Variants in LTBP1 observed in about 807,000 individuals in gnomAD.
LTBP1 encodes the protein latent-transforming growth factor beta-binding protein 1.
LTBP1 carries 129 observed loss-of-function variants against 207.6 expected under a neutral mutation model. That is an observed-to-expected ratio of 0.62 (90% CI 0.54 to 0.72). LTBP1 has a LOEUF of 0.72. Among genes scored for constraint, LTBP1 ranks in the 30% least tolerant of loss-of-function variants. The probability of loss-of-function intolerance (pLI) is 0.00; values close to 1 mark genes in which losing one functional copy is unlikely to be tolerated. For missense variants in LTBP1, 2,281 were observed against 2,217.2 expected (o/e 1.03, Z -0.58); for synonymous variants, 963 against 833.7 (o/e 1.16, Z -2.67).
intron 3 of LTBP1, among the ~76,000 whole-genome samples, chr2:33,068,283 TA>T (rs1186701740): frequency 6.6e-6 from 1 of 152,096 alleles, no homozygotes; most frequent in Non-Finnish European, 1.5e-5. Flanking sequence ...CAATAAACAT[TA>T]TTTTTCGATA....
At chr2:33,100,607 C>T (rs943286322) in intron 3 of LTBP1, among the ~76,000 whole-genome samples, 1 of 152,120 alleles carries the variant, frequency 6.6e-6, no homozygotes, top group Admixed American at 6.5e-5. Context: ...GAAGTACATG[C>T]ACCGTGCTGT....
intron 3 of LTBP1, among the ~76,000 whole-genome samples, chr2:33,078,857 CTTTTCTT>C (rs1279787206): frequency 3.3e-5 from 3 of 92,158 alleles, no homozygotes; most frequent in African/African-American, 3.2e-5. Flanking sequence ...CTTTTCTTTT[CTTTTCTT>C]TTTTTTTTTT....
Position 33,188,633 on chromosome 2 carries a change from G to A in LTBP1, c.1483G>A (p.Val495Ile), listed in dbSNP as rs150858532. Residue 495 changes from valine (V) to isoleucine (I), a missense_variant, in exon 7 of 34, where the codon GTC becomes ATC. Transcript: ENST00000404816. ...IHVKHPPEAS[V>I]QIHQVSRIDG... ...TGTGAAACATCCTCCTGAAGCTTCC[G>A]TCCAGATACATCAGGTTTCAAGAAT... 36 of 1,613,738 alleles carry A rather than the reference G, an allele frequency of 2.2e-5. No individual in the cohort carries two copies. Among genetic ancestry groups the A allele is most frequent in the Middle Eastern group, 1.6e-4 (1 of 6,084 alleles).
At chr2:33,129,435 C>T (rs575888025) in intron 4 of LTBP1, among the ~76,000 whole-genome samples, 82 of 152,238 alleles carry the variant, frequency 5.4e-4, no homozygotes, top group Non-Finnish European at 8.4e-4. Context: ...GACTGTCCCA[C>T]GGTGTCTCTT....
intron 2 of LTBP1, among the ~76,000 whole-genome samples, chr2:32,955,280 A>G (rs1677890769): frequency 6.6e-6 from 1 of 152,238 alleles, no homozygotes; most frequent in Non-Finnish European, 1.5e-5. Flanking sequence ...TCGGATTTGA[A>G]GAATGTATAT....
chr2:33,249,580 G>A (rs144412477), intron 10 of LTBP1, among the ~76,000 whole-genome samples: 2 of 152,178 alleles, frequency 1.3e-5, no homozygotes, highest in Admixed American at 6.5e-5. Context: ...TTATGATTTG[G>A]TACTATACTT....
chr2:33,329,943 G>A (rs1203055914), intron 24 of LTBP1, among the ~76,000 whole-genome samples: 1 of 152,020 alleles, frequency 6.6e-6, no homozygotes, highest in Non-Finnish European at 1.5e-5. Context: ...GATTGGAATT[G>A]AGTTGAATCA....
intron 26 of LTBP1, among the ~76,000 whole-genome samples, chr2:33,349,308 G>A (rs1409228651): frequency 6.6e-6 from 1 of 152,072 alleles, no homozygotes; most frequent in Non-Finnish European, 1.5e-5. Context: ...AAATTAGCCG[G>A]GAGTGGAGGC....
chr2:33,093,114 T>A (rs2079195322), intron 3 of LTBP1, among the ~76,000 whole-genome samples: 1 of 152,216 alleles, frequency 6.6e-6, no homozygotes, highest in South Asian at 2.1e-4. Context: ...CAGCAGACAT[T>A]TTCTGAAGTG....
intron 9 of LTBP1, among the ~76,000 whole-genome samples, chr2:33,224,290 A>G (rs2091305712): frequency 6.6e-6 from 1 of 152,240 alleles, no homozygotes; most frequent in Admixed American, 6.5e-5. Context: ...ACTAGAGGAC[A>G]GAGGAGGGTC....
At chr2:33,175,098 C>T (rs1046242240) in intron 5 of LTBP1, among the ~76,000 whole-genome samples, 3 of 152,048 alleles carry the variant, frequency 2.0e-5, no homozygotes, top group Non-Finnish European at 4.4e-5. Context: ...TAGGCATGGG[C>T]AAGGACTTCA....
chr2:33,261,236 G>T (rs1277735439), intron 13 of LTBP1, among the ~76,000 whole-genome samples: 1 of 150,482 alleles, frequency 6.6e-6, no homozygotes, highest in South Asian at 2.1e-4. Context: ...GCTGCCTCAC[G>T]GTGATGGGGG....
intron 2 of LTBP1, among the ~76,000 whole-genome samples, chr2:32,998,254 A>T (rs1474962795): frequency 2.0e-5 from 3 of 152,142 alleles, no homozygotes; most frequent in African/African-American, 7.2e-5. Context: ...ACGGTGGCTC[A>T]CGCCTGTAAT....
chr2:33,222,936 T>C (rs1303301033), intron 9 of LTBP1, among the ~76,000 whole-genome samples: 3 of 152,222 alleles, frequency 2.0e-5, no homozygotes, highest in East Asian at 3.8e-4. Context: ...GATGTTGTTA[T>C]TAGTAACTTG....
intron 3 of LTBP1, among the ~76,000 whole-genome samples, chr2:33,021,875 T>G (rs1325912146): frequency 6.6e-6 from 1 of 152,110 alleles, no homozygotes; most frequent in Non-Finnish European, 1.5e-5. Flanking sequence ...GTTCTCTGAG[T>G]TGCATTACAA....
At chr2:33,243,947 A>G (rs2092423322) in intron 10 of LTBP1, among the ~76,000 whole-genome samples, 163 bp downstream of exon 10, 2 of 152,210 alleles carry the variant, frequency 1.3e-5, no homozygotes, top group South Asian at 4.1e-4. Context: ...AGTAAAATAA[A>G]TTGATATCAT....
Position 33,280,159 on chromosome 2 carries a change from G to A in LTBP1, c.3112+1G>A. The A allele has an allele frequency of 1.9e-6, 3 of 1,613,946 alleles. No homozygotes were observed. Among genetic ancestry groups the A allele is most frequent in the Non-Finnish European group, 8.5e-7 (1 of 1,179,932 alleles). ...CGAGGCTGGAATGGACAGTGCCTTG[G>A]TAGGTACTATAGTGTACTTATCAAA... On this transcript the variant is annotated splice_donor_variant, in intron 19 of 33. Transcript: ENST00000404816. LOFTEE classifies it high-confidence loss of function.
At chr2:33,090,538 T>G (rs2079020141) in intron 3 of LTBP1, among the ~76,000 whole-genome samples, 1 of 152,156 alleles carries the variant, frequency 6.6e-6, no homozygotes, top group African/African-American at 2.4e-5. Context: ...ACCCATTTCA[T>G]TCTCATCACA....
intron 3 of LTBP1, among the ~76,000 whole-genome samples, chr2:33,081,149 C>T (rs188492811): frequency 6.6e-6 from 1 of 152,012 alleles, no homozygotes; most frequent in East Asian, 1.9e-4. Context: ...TTGTTCAGTT[C>T]TTCTTGGTGT....
Sources: gnomAD v4.1 joint callset for allele counts (sites outside exome capture counted in the v4.1 genomes callset) on GRCh38, gnomAD v4.1.1 for gene constraint, MANE v1.5 for transcripts, NCBI Gene and HGNC (gene_info 2026-07-23, HGNC 2026-07-21) for gene names.